Variants in ASTN1 observed in about 807,000 individuals in gnomAD.
ASTN1 encodes astrotactin 1.
In ASTN1, 41 loss-of-function variants were observed where a neutral mutation model predicts 140.7. That is an observed-to-expected ratio of 0.29 (90% CI 0.23 to 0.38). The LOEUF is 0.38. Ranked by LOEUF, ASTN1 falls within the 10% of genes least tolerant of loss-of-function variation. The probability of loss-of-function intolerance (pLI) is 1.00; values close to 1 mark genes in which losing one functional copy is unlikely to be tolerated. For missense variants in ASTN1, 1,479 were observed against 1,678.8 expected, an observed-to-expected ratio of 0.88 and a Z score of 2.08; for synonymous variants, 640 against 652.2, an observed-to-expected ratio of 0.98 and a Z score of 0.29.
At chr1:176,866,284 G>A (rs1056931165) in intron 22 of ASTN1, among the ~76,000 whole-genome samples, 5 of 152,132 alleles carry the variant, frequency 3.3e-5, no homozygotes, top group African/African-American at 1.2e-4. Flanking sequence ...TGAGGTCATG[G>A]GAGGGATAGT....
chr1:177,048,321 GC>G (rs1677349607), intron 2 of ASTN1, among the ~76,000 whole-genome samples: 1 of 152,144 alleles, frequency 6.6e-6, no homozygotes, highest in Non-Finnish European at 1.5e-5. Context: ...AGTGAGGCTG[GC>G]CCAAAAGGGG....
intron 1 of ASTN1, among the ~76,000 whole-genome samples, chr1:177,115,304 T>G (rs1352965833): frequency 6.6e-6 from 1 of 152,144 alleles, no homozygotes; most frequent in Non-Finnish European, 1.5e-5. Flanking sequence ...GAAAATTAAA[T>G]GAAAAGATGG....
intron 17 of ASTN1, among the ~76,000 whole-genome samples, chr1:176,891,994 G>A (rs1394507356): frequency 1.3e-5 from 2 of 152,174 alleles, no homozygotes; most frequent in Non-Finnish European, 2.9e-5. Context: ...TTTTCCAGTG[G>A]TAGAAATGTG....
At chr1:177,131,030 C>T (rs1681914468) in intron 1 of ASTN1, among the ~76,000 whole-genome samples, 1 of 152,140 alleles carries the variant, frequency 6.6e-6, no homozygotes, top group East Asian at 1.9e-4. Flanking sequence ...AAGCACCTTC[C>T]CCTCAAGTCA....
At chr1:177,115,628 G>A (rs972689992) in intron 1 of ASTN1, among the ~76,000 whole-genome samples, 1 of 150,696 alleles carries the variant, frequency 6.6e-6, no homozygotes, top group South Asian at 2.1e-4. Context: ...CTGCACTCCA[G>A]CCTGGGCAAC....
At chr1:177,034,962 G>C (rs1571686621) in intron 2 of ASTN1, among the ~76,000 whole-genome samples, 1 of 152,152 alleles carries the variant, frequency 6.6e-6, no homozygotes, top group Non-Finnish European at 1.5e-5. Context: ...TCCTTCCACT[G>C]TTCCTCTCTA....
intron 20 of ASTN1, among the ~76,000 whole-genome samples, chr1:176,880,179 T>C (rs1448686310): frequency 2.0e-5 from 3 of 152,156 alleles, no homozygotes; most frequent in Non-Finnish European, 4.4e-5. Flanking sequence ...AGAGACTTGG[T>C]GATGACCCCA....
intron 16 of ASTN1, among the ~76,000 whole-genome samples, chr1:176,911,004 C>T (rs1189034615): frequency 3.3e-5 from 5 of 152,210 alleles, no homozygotes; most frequent in Admixed American, 3.3e-4. Flanking sequence ...TAAAACCCGT[C>T]CCTGGTGCCA....
intron 1 of ASTN1, among the ~76,000 whole-genome samples, chr1:177,141,707 T>C (rs1241189467): frequency 6.6e-6 from 1 of 152,210 alleles, no homozygotes; most frequent in African/African-American, 2.4e-5. Context: ...TGATCAGTAA[T>C]AAAAGGGATA....
intron 9 of ASTN1, among the ~76,000 whole-genome samples, chr1:176,961,909 A>T (rs1021071189): frequency 6.6e-6 from 1 of 152,176 alleles, no homozygotes; most frequent in Non-Finnish European, 1.5e-5. Flanking sequence ...TCAGCTGTGC[A>T]CTGAGTCCTG....
At chr1:177,078,950 G>T (rs1679054502) in intron 1 of ASTN1, among the ~76,000 whole-genome samples, 1 of 149,142 alleles carries the variant, frequency 6.7e-6, no homozygotes, top group South Asian at 2.1e-4. Flanking sequence ...AAATCAATTT[G>T]AGTAGAAAAA....
At chr1:176,951,611 CA>C (rs1324720595) in intron 11 of ASTN1, among the ~76,000 whole-genome samples, 1 of 152,198 alleles carries the variant, frequency 6.6e-6, no homozygotes, top group African/African-American at 2.4e-5. Flanking sequence ...AGTTCTCCTT[CA>C]AGCATGATTT....
At chr1:177,009,313 A>G (rs921937808) in intron 8 of ASTN1, among the ~76,000 whole-genome samples, 14 of 152,166 alleles carry the variant, frequency 9.2e-5, no homozygotes, top group African/African-American at 3.4e-4. Flanking sequence ...CCTCTCCACC[A>G]GATGTGGTCT....
At chr1:176,925,952 C>T (rs1322912081) in intron 16 of ASTN1, among the ~76,000 whole-genome samples, 1 of 151,934 alleles carries the variant, frequency 6.6e-6, no homozygotes, top group Non-Finnish European at 1.5e-5. Flanking sequence ...ACTACAGGTG[C>T]CCGGCACCAC....
intron 22 of ASTN1, among the ~76,000 whole-genome samples, 168 bp from the exon 23 acceptor site, chr1:176,864,689 T>C (rs934541206): frequency 2.2e-5 from 3 of 134,576 alleles, no homozygotes; most frequent in African/African-American, 7.5e-5. Context: ...AAAATATCTG[T>C]CAAGCAAATG....
At chr1:176,919,788 T>C (rs755455179) in intron 16 of ASTN1, among the ~76,000 whole-genome samples, 1 of 152,242 alleles carries the variant, frequency 6.6e-6, no homozygotes, top group Non-Finnish European at 1.5e-5. Context: ...GCATGGGCAA[T>C]GGAGGCACAT....
At chr1:176,966,834 AAC>A (rs1483481113) in intron 8 of ASTN1, among the ~76,000 whole-genome samples, 1 of 152,026 alleles carries the variant, frequency 6.6e-6, no homozygotes, top group East Asian at 1.9e-4. Context: ...ATTAAATATT[AAC>A]AGTTATATCA....
At position 177,066,583 on chromosome 1, in the gene ASTN1, T is replaced by G. The variant is rs143951932; in HGVS notation, c.284-5318A>C. ...ACTTCCCTATACCATCCAAGTGCCCTGTTCCCTCTTTGGGCATTCCTTCAT... is the reference window on the plus strand; with the variant it reads ...ACTTCCCTATACCATCCAAGTGCCCGGTTCCCTCTTTGGGCATTCCTTCAT... On this transcript the variant is annotated intron_variant, in intron 1 of 22. Transcript: ENST00000361833. Among the ~76,000 whole-genome samples, 1,240 of 152,278 alleles carry G rather than the reference T, an allele frequency of 8.1e-3. 61 individuals are homozygous for G. The highest frequency in any genetic ancestry group is 0.075 in the Admixed American group (1,143 of 15,288).
chr1:176,907,780 G>C (rs6664184), intron 16 of ASTN1, among the ~76,000 whole-genome samples: 42,802 of 152,056 alleles, frequency 0.28, 6,555 homozygotes, highest in African/African-American at 0.38. Context: ...ATCTAATGCT[G>C]TCCTCCAGAC....
Sources: allele counts gnomAD v4.1 joint callset (sites outside exome capture counted in the v4.1 genomes callset), GRCh38; gene constraint gnomAD v4.1.1; transcripts MANE v1.5; gene names NCBI Gene and HGNC (gene_info 2026-07-23, HGNC 2026-07-21).